RARB: variants seen among roughly 807,000 people sequenced by gnomAD.
RARB encodes retinoic acid receptor beta, also known as HBV-activated protein.
RARB carries 17 observed loss-of-function variants against 51.9 expected under a neutral mutation model. The observed-to-expected ratio is 0.33, with a 90% CI of 0.22 to 0.49. RARB has a LOEUF of 0.49. RARB is among the 20% of genes least tolerant of loss of function. The probability of loss-of-function intolerance (pLI) is 0.99; values close to 1 mark genes in which losing one functional copy is unlikely to be tolerated. For missense variants in RARB, 369 were observed against 550.8 expected (o/e 0.67, Z 3.30); for synonymous variants, 215 against 195.4 (o/e 1.10, Z -0.84).
intron 5 of RARB, among the ~76,000 whole-genome samples, chr3:25,419,512 A>G (rs889771611): frequency 1.3e-5 from 2 of 152,314 alleles, no homozygotes; most frequent in South Asian, 4.1e-4. Flanking sequence ...AGGAGAGAGT[A>G]TCTGTCATAC....
intron 5 of RARB, among the ~76,000 whole-genome samples, chr3:25,391,876 C>T (rs955524570): frequency 1.3e-5 from 2 of 152,120 alleles, no homozygotes; most frequent in African/African-American, 4.8e-5. Context: ...TTTTGCTGTG[C>T]AGAAGCTTTT....
chr3:24,888,009 A>G (rs1703295579), intron 2 of RARB, among the ~76,000 whole-genome samples: 1 of 152,166 alleles, frequency 6.6e-6, no homozygotes. Flanking sequence ...CCCATGGCCT[A>G]CATGCATATG....
In RARB at chr3:24,945,615, C is replaced by T. The variant is rs370226595; in HGVS notation, c.-380+86863C>T. On this transcript the variant is annotated intron_variant, in intron 2 of 11. Transcript: ENST00000383772. ...AAGAAAGATGACTTCTTTGAATGAA[C>T]GTATTTCCAGAATCTTATCCTTGGC... Among the ~76,000 whole-genome samples, 9 of 152,334 alleles carry T rather than the reference C, an allele frequency of 5.9e-5. No homozygotes were observed. The South Asian group carries it at 1.0e-3, about 18-fold the overall frequency.
intron 2 of RARB, among the ~76,000 whole-genome samples, chr3:24,977,065 G>C (rs558159562): frequency 6.6e-6 from 1 of 152,084 alleles, no homozygotes; most frequent in Non-Finnish European, 1.5e-5. Flanking sequence ...AAGATCAGAT[G>C]GTTGTAGATG....
upstream of RARB, among the ~76,000 whole-genome samples, chr3:25,424,458 G>C (rs752949395): frequency 2.3e-4 from 35 of 152,144 alleles, no homozygotes; most frequent in Non-Finnish European, 4.9e-4. Flanking sequence ...CAACATCTCT[G>C]CCTTGGCTTC....
chr3:24,870,259 ATTG>A (rs1237672558), intron 2 of RARB, among the ~76,000 whole-genome samples: 1 of 152,068 alleles, frequency 6.6e-6, no homozygotes, highest in Non-Finnish European at 1.5e-5. Flanking sequence ...AAATAGAAAT[ATTG>A]TTTTCCTATG....
intron 5 of RARB, among the ~76,000 whole-genome samples, chr3:25,248,756 A>G (rs949241527): frequency 6.6e-6 from 1 of 152,070 alleles, no homozygotes; most frequent in African/African-American, 2.4e-5. Context: ...AAAATGTATC[A>G]TTCTGTTATC....
At chr3:25,134,677 T>A (rs954134343) in intron 4 of RARB, among the ~76,000 whole-genome samples, 1 of 152,000 alleles carries the variant, frequency 6.6e-6, no homozygotes, top group Non-Finnish European at 1.5e-5. Flanking sequence ...ATATTCTACA[T>A]TAAGAACAAA....
chr3:24,845,987 A>T (rs545499057), intron 1 of RARB, among the ~76,000 whole-genome samples: 31 of 152,208 alleles, frequency 2.0e-4, no homozygotes, highest in Non-Finnish European at 4.3e-4. Context: ...CAGAGTGCTT[A>T]TTATTATTCC....
intron 2 of RARB, among the ~76,000 whole-genome samples, chr3:24,973,343 A>G (rs747204020): frequency 2.6e-4 from 40 of 152,078 alleles, no homozygotes; most frequent in Non-Finnish European, 5.4e-4. Flanking sequence ...CTTTTATCTC[A>G]ATACCATGCT....
intron 5 of RARB, among the ~76,000 whole-genome samples, chr3:25,388,942 G>A (rs1706870784): frequency 6.6e-6 from 1 of 152,124 alleles, no homozygotes; most frequent in Admixed American, 6.6e-5. Flanking sequence ...GGTAGAAAAT[G>A]CCACTGATCT....
At chr3:25,215,086 A>G (rs919189181) in intron 5 of RARB, among the ~76,000 whole-genome samples, 1 of 152,140 alleles carries the variant, frequency 6.6e-6, no homozygotes, top group Non-Finnish European at 1.5e-5. Flanking sequence ...GTTAGTAAAA[A>G]TCCCAGCCAG....
chr3:24,871,579 C>T (rs1386584653), intron 2 of RARB, among the ~76,000 whole-genome samples: 1 of 152,172 alleles, frequency 6.6e-6, no homozygotes, highest in Admixed American at 6.5e-5. Flanking sequence ...CATTTACGTT[C>T]TTGGCTTTTA....
At chr3:25,569,007 C>T (rs938240807) in intron 3 of RARB, among the ~76,000 whole-genome samples, 3 of 152,230 alleles carry the variant, frequency 2.0e-5, no homozygotes, top group Admixed American at 6.5e-5. Context: ...TGCCTGGCAC[C>T]GTGCTTGGCT....
chr3:25,257,691 T>G (rs2125405157), intron 5 of RARB, among the ~76,000 whole-genome samples: 1 of 152,232 alleles, frequency 6.6e-6, no homozygotes, highest in African/African-American at 2.4e-5. Flanking sequence ...TCCTAGGCTC[T>G]ATCTGCTCTC....
intron 3 of RARB, among the ~76,000 whole-genome samples, chr3:25,124,339 A>G (rs1699829951): frequency 6.6e-6 from 1 of 152,206 alleles, no homozygotes; most frequent in Non-Finnish European, 1.5e-5. Flanking sequence ...ATGCCACTGC[A>G]TTTCAGCCTG....
chr3:25,159,410 C>CCA (rs1265909191), intron 4 of RARB, among the ~76,000 whole-genome samples: 6 of 64,370 alleles, frequency 9.3e-5, no homozygotes, highest in Non-Finnish European at 2.0e-4. Context: ...CTCAGATGAT[C>CCA]CACCCCCCCC....
At chr3:25,557,869 G>C (rs1553632869) in intron 3 of RARB, among the ~76,000 whole-genome samples, 1 of 152,186 alleles carries the variant, frequency 6.6e-6, no homozygotes, top group Non-Finnish European at 1.5e-5. Context: ...ATTCCCTGCA[G>C]AGCTCCAAAG....
At chr3:25,566,920 G>A (rs2125684822) in intron 3 of RARB, among the ~76,000 whole-genome samples, 1 of 152,238 alleles carries the variant, frequency 6.6e-6, no homozygotes. Flanking sequence ...GGGGTCATAA[G>A]GCCCACCTCA....
Sources: allele counts gnomAD v4.1 joint callset (sites outside exome capture counted in the v4.1 genomes callset), GRCh38; gene constraint gnomAD v4.1.1; transcripts MANE v1.5; gene names NCBI Gene and HGNC (gene_info 2026-07-23, HGNC 2026-07-21).